MTA3: variants seen among roughly 807,000 people sequenced by gnomAD.
MTA3 encodes the protein metastasis associated 1 family member 3.
In MTA3, 34 loss-of-function variants were observed where a neutral mutation model predicts 83.5. The observed-to-expected ratio is 0.41, with a 90% CI of 0.31 to 0.54. The LOEUF (loss-of-function observed/expected upper bound fraction) is 0.54. Ranked by LOEUF, MTA3 falls within the 20% of genes least tolerant of loss-of-function variation. The pLI, the probability that MTA3 is intolerant of heterozygous loss-of-function variation, is 0.33. For synonymous variants in MTA3, 303 were observed against 252.7 expected, an observed-to-expected ratio of 1.20 and a Z score of -1.89; for missense variants, 761 against 726.4, an observed-to-expected ratio of 1.05 and a Z score of -0.55.
At chr2:42,627,646 C>T (rs756302488) in intron 4 of MTA3, among the ~76,000 whole-genome samples, 9 of 151,810 alleles carry the variant, frequency 5.9e-5, no homozygotes, top group African/African-American at 1.9e-4. Context: ...TCACTGCAAC[C>T]TCCACCTCAG....
At chr2:42,601,505 C>T (rs1682571682) in intron 3 of MTA3, among the ~76,000 whole-genome samples, 1 of 152,184 alleles carries the variant, frequency 6.6e-6, no homozygotes, top group African/African-American at 2.4e-5. Context: ...GAGGCAGGGT[C>T]TCCGTCAAGT....
At chr2:42,688,409 C>T (rs1692581444) in intron 9 of MTA3, among the ~76,000 whole-genome samples, 1 of 152,132 alleles carries the variant, frequency 6.6e-6, no homozygotes, top group Admixed American at 6.5e-5. Flanking sequence ...TTAAAAAAGC[C>T]ATTATAATAG....
intron 4 of MTA3, among the ~76,000 whole-genome samples, chr2:42,632,974 A>T (rs1215490179): frequency 6.6e-6 from 1 of 151,974 alleles, no homozygotes; most frequent in East Asian, 1.9e-4. Context: ...TTTAAAAAAA[A>T]AAAAATACAG....
Position 42,636,634 on chromosome 2 carries a change from T to G in MTA3, c.318-3539T>G, listed in dbSNP as rs934559691. On this transcript the variant is annotated intron_variant, in intron 4 of 16. Transcript: ENST00000405094. ...CTTCTTTCTCTTTCTTTCTTTTTTTTTTTTTTTTTTTGAGACGGGGTTTCG... is the reference window on the plus strand; with the variant it reads ...CTTCTTTCTCTTTCTTTCTTTTTTTGTTTTTTTTTTTGAGACGGGGTTTCG... 9.3e-5 allele frequency among the ~76,000 whole-genome samples: 14 copies of G among 149,920 alleles called. No homozygotes were observed. In the East Asian group the frequency reaches 2.5e-3, roughly 27 times the overall value.
At chr2:42,568,823 C>G in intron 1 of MTA3, 50 bp downstream of exon 1, 1 of 1,211,202 alleles carries the variant, frequency 8.3e-7, no homozygotes, top group Non-Finnish European at 1.0e-6. Context: ...GTTCCGGGAG[C>G]GGGGGGCCGG....
chr2:42,636,872 G>A (rs1037043794), intron 4 of MTA3, among the ~76,000 whole-genome samples: 2 of 152,000 alleles, frequency 1.3e-5, no homozygotes, highest in Non-Finnish European at 2.9e-5. Flanking sequence ...TGACCCGCCC[G>A]CATCGGCCTC....
At chr2:42,644,464 A>G (rs964944400) in intron 6 of MTA3, among the ~76,000 whole-genome samples, 2 of 152,210 alleles carry the variant, frequency 1.3e-5, no homozygotes, top group Non-Finnish European at 2.9e-5. Context: ...GGCCTCAAAC[A>G]ATCCTCCCAC....
intron 7 of MTA3, 107 bp downstream of exon 7, chr2:42,656,409 G>A (rs889136827): frequency 1.7e-6 from 1 of 591,560 alleles, no homozygotes; most frequent in Non-Finnish European, 2.7e-6. Flanking sequence ...CCCACTGATT[G>A]TATTATTTTT....
chr2:42,688,489 A>T (rs1021885327), intron 9 of MTA3, among the ~76,000 whole-genome samples: 4 of 152,080 alleles, frequency 2.6e-5, no homozygotes, highest in African/African-American at 9.7e-5. Flanking sequence ...GCCTCTTTTC[A>T]TGTGTTTCAT....
intron 2 of MTA3, among the ~76,000 whole-genome samples, chr2:42,575,611 A>G (rs1329040870): frequency 1.3e-5 from 2 of 152,208 alleles, no homozygotes; most frequent in Non-Finnish European, 2.9e-5. Flanking sequence ...TAGTCCCACA[A>G]GTGAAAGTAA....
intron 8 of MTA3, among the ~76,000 whole-genome samples, chr2:42,668,381 C>G (rs1371627345): frequency 3.3e-5 from 5 of 152,218 alleles, no homozygotes; most frequent in Admixed American, 3.3e-4. Flanking sequence ...AGGCCCTGTC[C>G]TTACTGGGAG....
chr2:42,654,538 T>C (rs1688992273), intron 6 of MTA3, among the ~76,000 whole-genome samples: 1 of 152,264 alleles, frequency 6.6e-6, no homozygotes, highest in African/African-American at 2.4e-5. Context: ...ACATTGACTC[T>C]TGTTCAATAG....
intron 2 of MTA3, among the ~76,000 whole-genome samples, chr2:42,531,578 G>A (rs1169701119): frequency 6.9e-6 from 1 of 145,296 alleles, no homozygotes; most frequent in African/African-American, 2.5e-5. Flanking sequence ...TCAGCCTCCC[G>A]AGTAGGTGGG....
chr2:42,678,920 T>A (rs1345498163), intron 8 of MTA3, among the ~76,000 whole-genome samples: 2 of 152,092 alleles, frequency 1.3e-5, no homozygotes. Flanking sequence ...AAAGCTATTT[T>A]AAAAAAATAC....
chr2:42,685,686 T>C (rs1452632413), intron 9 of MTA3, among the ~76,000 whole-genome samples: 1 of 152,080 alleles, frequency 6.6e-6, no homozygotes, highest in African/African-American at 2.4e-5. Context: ...GAAGGGCCAG[T>C]CTTGAAGGGC....
At chr2:42,674,454 A>G (rs1691140704) in intron 8 of MTA3, among the ~76,000 whole-genome samples, 1 of 152,216 alleles carries the variant, frequency 6.6e-6, no homozygotes, top group African/African-American at 2.4e-5. Flanking sequence ...GGCAGAGAGA[A>G]CAGCTTGTGC....
intron 3 of MTA3, among the ~76,000 whole-genome samples, chr2:42,590,786 A>G (rs1196431451): frequency 1.3e-5 from 2 of 151,792 alleles, no homozygotes; most frequent in Non-Finnish European, 1.5e-5. Flanking sequence ...ATGCCTGGCT[A>G]ATTTTTGTAT....
chr2:42,524,538 A>T (rs1289827359), intron 2 of MTA3, among the ~76,000 whole-genome samples: 1 of 130,884 alleles, frequency 7.6e-6, no homozygotes, highest in East Asian at 2.2e-4. Flanking sequence ...GTTAGCCAGG[A>T]TGGTCTCAAT....
chr2:42,644,303 T>C (rs568417477), intron 6 of MTA3, 59 bp downstream of exon 6: 18 of 1,125,520 alleles, frequency 1.6e-5, no homozygotes, highest in East Asian at 9.7e-5. Context: ...AACTCAAATA[T>C]ACATGTCCTC....
Sources: gnomAD v4.1 joint callset for allele counts (sites outside exome capture counted in the v4.1 genomes callset) on GRCh38, gnomAD v4.1.1 for gene constraint, MANE v1.5 for transcripts, NCBI Gene and HGNC (gene_info 2026-07-23, HGNC 2026-07-21) for gene names.